GALT: variants seen among roughly 807,000 people sequenced by gnomAD.
GALT encodes galactose-1-phosphate uridylyltransferase, also known as UDP-glucose--hexose-1-phosphate uridylyltransferase.
A neutral mutation model predicts 55.4 loss-of-function variants in GALT; 42 were observed. The observed-to-expected ratio is 0.76, with a 90% CI of 0.59 to 0.98. The LOEUF (loss-of-function observed/expected upper bound fraction) is 0.98. Among genes scored for constraint, GALT ranks in the 50% least tolerant of loss-of-function variants. The pLI is 0.00. For missense variants in GALT, 407 were observed against 495.7 expected (o/e 0.82, Z 1.70); for synonymous variants, 154 against 181.5 (o/e 0.85, Z 1.22).
At chr9:34,646,926 G>A in intron 1 of GALT, 140 bp downstream of exon 1, 2 of 1,604,804 alleles carry the variant, frequency 1.2e-6, no homozygotes, top group South Asian at 1.1e-5. Context: ...GCCTGTACGA[G>A]CAGCAGGCCA....
In GALT at chr9:34,646,720, AC is replaced by A. The variant is rs111033638; in HGVS notation, c.18del (p.Asp7IlefsTer43). The A allele has an allele frequency of 6.2e-7, 1 of 1,613,702 alleles. No homozygotes were observed. Among genetic ancestry groups the A allele is most frequent in the Non-Finnish European group, 8.5e-7 (1 of 1,179,950 alleles). On this transcript the variant is annotated frameshift_variant, in exon 1 of 11. Coordinates refer to ENST00000378842, the MANE Select transcript of GALT (RefSeq NM_000155.4). LOFTEE classifies it high-confidence loss of function. The stretch of plus-strand genomic sequence containing the variant: ...CGGTGGCCTCATGTCGCGCAGTGGA[AC>A]CGATCCTCAGCAACGCCAGCAGGCG... The part of the protein sequence containing the change: MSRSG[T>X]DPQQRQQASE...
In GALT at chr9:34,650,681, G is replaced by T; in HGVS notation, c.*232G>T. 1 of 546,946 alleles carries T rather than the reference G, an allele frequency of 1.8e-6. No individual in the cohort carries two copies. The highest frequency in any genetic ancestry group is 3.3e-6 in the Non-Finnish European group (1 of 306,768). 33.9% of individuals were successfully genotyped at this position (546,946 alleles called of 1,614,324 possible). ...CTACAACTTTTCTTTGTCTACAGATGTGTAAAATCTTGATGCAAAAATCTA... is the reference window on the plus strand; with the variant it reads ...CTACAACTTTTCTTTGTCTACAGATTTGTAAAATCTTGATGCAAAAATCTA... On this transcript the variant is annotated 3_prime_UTR_variant, in exon 11 of 11. Coordinates refer to ENST00000378842, the MANE Select transcript of GALT (RefSeq NM_000155.4).
Position 34,648,467 on chromosome 9 carries a change from G to T in GALT, c.687+11G>T. 3 of 1,614,124 alleles carry T rather than the reference G, an allele frequency of 1.9e-6. No homozygotes were observed. Among genetic ancestry groups the T allele is most frequent in the Non-Finnish European group, 2.5e-6 (3 of 1,180,018 alleles). ...GAGCTACTCAGGAAGGTGGGAGAGAGCCAAGCCCTGTGTCCCCAAGGAGTC... is the reference window on the plus strand; with the variant it reads ...GAGCTACTCAGGAAGGTGGGAGAGATCCAAGCCCTGTGTCCCCAAGGAGTC... On this transcript the variant is annotated intron_variant, in intron 7 of 10. Coordinates refer to ENST00000378842, the MANE Select transcript of GALT (RefSeq NM_000155.4). The surrounding 1 kb of genome is among the most constrained non-coding windows in gnomAD (Gnocchi z 4.9).
chr9:34,646,949 A>C (rs1587236794), intron 1 of GALT, 140 bp from the exon 2 acceptor site: 18 of 1,605,364 alleles, frequency 1.1e-5, no homozygotes, highest in East Asian at 2.2e-5. Flanking sequence ...TGGCGCTGGG[A>C]AAGTCCAATC....
Position 34,646,689 on chromosome 9 carries a change from A to AT in GALT, c.-15dup, listed in dbSNP as rs1821108965. ...CACGGCCCTGCAGATTTTCCAGCGG[A>AT]TCCCCCGGTGGCCTCATGTCGCGCA... On this transcript the variant is annotated 5_prime_UTR_variant, in exon 1 of 11. Transcript: ENST00000378842. 6.2e-7 allele frequency: 1 copy of AT among 1,613,548 alleles called. No individual in the cohort carries two copies. Among genetic ancestry groups the AT allele is most frequent in the Non-Finnish European group, 8.5e-7 (1 of 1,179,960 alleles).
intron 1 of GALT, 127 bp downstream of exon 1, chr9:34,646,913 C>T: frequency 6.2e-7 from 1 of 1,604,986 alleles, no homozygotes; most frequent in Non-Finnish European, 8.5e-7. Flanking sequence ...GTACAGTCTG[C>T]AGGCCTGTAC....
At chr9:34,650,295 A>T in intron 10 of GALT, 74 bp from the exon 11 acceptor site, 1 of 1,061,040 alleles carries the variant, frequency 9.4e-7, no homozygotes, top group South Asian at 1.4e-5. Flanking sequence ...AAAAAAAAAA[A>T]AAATGAAGTC....
rs1279157942 is a variant in GALT at position 34,648,961 on chromosome 9, T to A, written c.821-37T>A. ...GAGGTTGCTCCCAGTAGGGTCAGCA[T>A]CTGGACCCCAGGCTGAGAGTCAGGC... is the stretch of plus-strand genomic sequence containing the variant. On this transcript the variant is annotated intron_variant, in intron 8 of 10. Transcript: ENST00000378842. The surrounding 1 kb of genome is among the most constrained non-coding windows in gnomAD (Gnocchi z 4.9). The A allele has an allele frequency of 1.9e-6, 3 of 1,614,050 alleles. No individual in the cohort carries two copies. The highest frequency in any genetic ancestry group is 2.5e-6 in the Non-Finnish European group (3 of 1,179,962).
chr9:34,649,250 T>A (rs1821192571), intron 9 of GALT, 160 bp from the exon 10 acceptor site: 2 of 1,217,456 alleles, frequency 1.6e-6, no homozygotes, highest in Admixed American at 3.4e-5. Flanking sequence ...TTGGTGAAAC[T>A]ACATCTCCAA....
rs769647583 is a variant in GALT at position 34,649,546 on chromosome 9, G to A, written c.1041G>A (p.Arg347=). 1 of 1,614,162 alleles carries A rather than the reference G, an allele frequency of 6.2e-7. No homozygotes were observed. The highest frequency in any genetic ancestry group is 8.5e-7 in the Non-Finnish European group (1 of 1,180,014). Residue 347 remains arginine (R), a synonymous_variant, in exon 10 of 11, where the codon AGG becomes AGA. Coordinates refer to ENST00000378842, the MANE Select transcript of GALT (RefSeq NM_000155.4). ...ACGAAATGCTTGCTCAGGCTCAGAG[G>A]GACCTCACCCCTGAGCAGGTCAGGA... The part of the protein sequence containing the change: ...VGYEMLAQAQ[R]DLTPEQAAER...
chr9:34,647,533 CT>C lies in GALT; in HGVS notation c.296del (p.Phe99SerfsTer39). 1 of 1,614,176 alleles carries C rather than the reference CT, an allele frequency of 6.2e-7. No homozygotes were observed. The highest frequency in any genetic ancestry group is 1.1e-5 in the South Asian group (1 of 91,088). ...YDSTFLFDND[F>X]PALQPDAPSP... Reference sequence around the variant, plus strand: ...ATAGCACCTTCCTGTTTGACAACGACTTCCCAGCTCTGCAGCCTGATGCCCC... The same window carrying C: ...ATAGCACCTTCCTGTTTGACAACGACTCCCAGCTCTGCAGCCTGATGCCCC... On this transcript the variant is annotated frameshift_variant, in exon 3 of 11. Transcript: ENST00000378842. LOFTEE classifies it high-confidence loss of function. This position sits in a 1 kb window ranked among gnomAD's most constrained non-coding sequence, Gnocchi z 5.6.
At chr9:34,650,206 G>T in intron 10 of GALT, 163 bp from the exon 11 acceptor site, 1 of 630,790 alleles carries the variant, frequency 1.6e-6, no homozygotes, top group South Asian at 1.8e-5. Flanking sequence ...CTTGGGCCCA[G>T]GAGTTTGAGG....
At position 34,647,330 on chromosome 9, in the gene GALT, C is replaced by G; in HGVS notation, c.252+72C>G. 2 of 1,604,998 alleles carry G rather than the reference C, an allele frequency of 1.2e-6. No individual in the cohort carries two copies. The highest frequency in any genetic ancestry group is 2.2e-5 in the South Asian group (2 of 90,904). ...GTTCCCTCTTAGAACTGTCCTCCAC[C>G]CACAGGGATAGTGAACCTCCTTCTG... is the stretch of plus-strand genomic sequence containing the variant. On this transcript the variant is annotated intron_variant, in intron 2 of 10. Coordinates refer to ENST00000378842, the MANE Select transcript of GALT (RefSeq NM_000155.4). This position sits in a 1 kb window ranked among gnomAD's most constrained non-coding sequence, Gnocchi z 5.6.
intron 9 of GALT, 45 bp from the exon 10 acceptor site, chr9:34,649,365 T>C: frequency 6.2e-7 from 1 of 1,613,212 alleles, no homozygotes. Context: ...CCTGGATAAC[T>C]GTAAAAGGGC....
chr9:34,649,212 T>C (rs1248712708), intron 9 of GALT, 131 bp downstream of exon 9: 2 of 1,209,574 alleles, frequency 1.7e-6, no homozygotes, highest in East Asian at 2.3e-5. Flanking sequence ...AGAGTAGAGA[T>C]GCTGGGACTG....
chr9:34,650,833 T>C lies in GALT; in HGVS notation c.*384T>C. 1 of 228,122 alleles carries C rather than the reference T, an allele frequency of 4.4e-6. No individual in the cohort carries two copies. Among genetic ancestry groups the C allele is most frequent in the South Asian group, 5.4e-5 (1 of 18,658 alleles). The allele number at this position is 228,122 out of a possible 1,614,324, so 14.1% of individuals were successfully genotyped here. A position where few individuals can be genotyped will look rare whatever the true frequency, so the allele number is the denominator to read the frequency against. On this transcript the variant is annotated 3_prime_UTR_variant, in exon 11 of 11. Transcript: ENST00000378842. Reference sequence around the variant, plus strand: ...TAAAATCTTGTGTCTTGGTTGTGGCTGAGGCTTTGGGAAGGCCAGAGCCCC... The same window carrying C: ...TAAAATCTTGTGTCTTGGTTGTGGCCGAGGCTTTGGGAAGGCCAGAGCCCC...
intron 10 of GALT, chr9:34,650,064 G>C (rs1433383923): frequency 5.1e-6 from 2 of 390,692 alleles, no homozygotes; most frequent in African/African-American, 4.1e-5. Flanking sequence ...AGGATTGCTT[G>C]AGCCCAGAAG....
chr9:34,646,981 G>T, intron 1 of GALT, 108 bp from the exon 2 acceptor site: 1 of 1,606,488 alleles, frequency 6.2e-7, no homozygotes, highest in Non-Finnish European at 8.5e-7. Flanking sequence ...GCTCCTGAGC[G>T]GGACAGGGCC....
At position 34,647,643 on chromosome 9, in the gene GALT, C is replaced by T. The variant is rs754651106; in HGVS notation, c.329-14C>T. ...GGGACTTCTGCTGCAGAGAGTGATACTCCTTTACCTCAGGACCCAGTGATC... is the reference window on the plus strand; with the variant it reads ...GGGACTTCTGCTGCAGAGAGTGATATTCCTTTACCTCAGGACCCAGTGATC... On this transcript the variant is annotated splice_polypyrimidine_tract_variant and intron_variant, in intron 3 of 10. Coordinates refer to ENST00000378842, the MANE Select transcript of GALT (RefSeq NM_000155.4). This position sits in a 1 kb window ranked among gnomAD's most constrained non-coding sequence, Gnocchi z 5.6. The T allele has an allele frequency of 3.7e-6, 6 of 1,613,996 alleles. No homozygotes were observed. The highest frequency in any genetic ancestry group is 5.1e-6 in the Non-Finnish European group (6 of 1,180,010).
Sources: gnomAD v4.1 joint callset for allele counts on GRCh38, gnomAD v4.1.1 for gene constraint, Gnocchi (gnomAD v3.1) non-coding constraint, MANE v1.5 for transcripts, NCBI Gene and HGNC (gene_info 2026-07-23, HGNC 2026-07-21) for gene names.